Variants in FBH1 observed in about 807,000 individuals in gnomAD.
FBH1 encodes the protein F-box DNA helicase 1, also known as DNA 3'-5' helicase 1.
FBH1 carries 43 observed loss-of-function variants against 115.5 expected under a neutral mutation model. That is an observed-to-expected ratio of 0.37 (90% CI 0.29 to 0.48). The LOEUF (loss-of-function observed/expected upper bound fraction) is 0.48. Ranked by LOEUF, FBH1 falls within the 20% of genes least tolerant of loss-of-function variation. The probability of loss-of-function intolerance (pLI) is 0.99; values close to 1 mark genes in which losing one functional copy is unlikely to be tolerated. For synonymous variants in FBH1, 524 were observed against 507.8 expected, an observed-to-expected ratio of 1.03 and a Z score of -0.43; for missense variants, 1,001 against 1,337.3, an observed-to-expected ratio of 0.75 and a Z score of 3.92.
At chr10:5,930,916 G>T (rs1453817202) in intron 19 of FBH1, among the ~76,000 whole-genome samples, 1 of 148,508 alleles carries the variant, frequency 6.7e-6, no homozygotes, top group Non-Finnish European at 1.5e-5. Flanking sequence ...CACCTGGCTG[G>T]TTTTTTTTTT....
Position 5,923,898 on chromosome 10 carries a change from A to G in FBH1, c.2398+202A>G. 1.7e-6 allele frequency: 1 copy of G among 591,036 alleles called. No individual in the cohort carries two copies. The highest frequency in any genetic ancestry group is 2.8e-5 in the East Asian group (1 of 35,218). 36.6% of individuals were successfully genotyped at this position (591,036 alleles called of 1,614,324 possible). ...ACAGATTTTTCCAGATCCTCCTCAC[A>G]GGAGCCTCAGTCTCTTTCCAACACT... On this transcript the variant is annotated intron_variant, in intron 16 of 20. Coordinates refer to ENST00000362091, the MANE Select transcript of FBH1 (RefSeq NM_178150.3). The surrounding 1 kb of genome is among the most constrained non-coding windows in gnomAD (Gnocchi z 5.7).
At chr10:5,899,137 CCCTTCAACTGAG>C (rs1352683260) in intron 1 of FBH1, among the ~76,000 whole-genome samples, 1 of 152,184 alleles carries the variant, frequency 6.6e-6, no homozygotes, top group East Asian at 1.9e-4. Context: ...GGGCATCAGA[CCCTTCAACTGAG>C]CCTGATTTTC....
chr10:5,892,493 T>C (rs1009361924), intron 1 of FBH1, among the ~76,000 whole-genome samples: 3 of 152,250 alleles, frequency 2.0e-5, no homozygotes, highest in African/African-American at 7.2e-5. Context: ...ATCTTTGCCT[T>C]TCTGGCTGTG....
rs778398196 is a variant in FBH1 at position 5,905,993 on chromosome 10, T to G, written c.158-44T>G. The G allele has an allele frequency of 5.7e-6, 8 of 1,399,560 alleles. No individual in the cohort carries two copies. The African/African-American group carries it at 1.1e-4, about 20-fold the overall frequency. 86.7% of individuals were successfully genotyped at this position (1,399,560 alleles called of 1,614,324 possible). A position where few individuals can be genotyped will look rare whatever the true frequency, so the allele number is the denominator to read the frequency against. ...ATATGGATTAACAGCAGGTCAACAG[T>G]CATCGTTCATTTCTTGTCCATCCTG... is the stretch of plus-strand genomic sequence containing the variant. On this transcript the variant is annotated intron_variant, in intron 2 of 20. Transcript: ENST00000362091.
Position 5,911,032 on chromosome 10 carries a change from G to GCT in FBH1, c.1117_1118dup (p.Thr374ProfsTer3). On this transcript the variant is annotated frameshift_variant, in exon 6 of 21. Transcript: ENST00000362091. LOFTEE classifies it high-confidence loss of function. The surrounding 1 kb of genome is among the most constrained non-coding windows in gnomAD (Gnocchi z 5.4). ...CTGCTCTTCTGCCTCCGGAGACCCA[G>GCT]CTCCACGGTGACCATGCCAGATGTC... The GCT allele has an allele frequency of 6.2e-7, 1 of 1,613,180 alleles. No homozygotes were observed. The highest frequency in any genetic ancestry group is 8.5e-7 in the Non-Finnish European group (1 of 1,180,022).
rs1436417983 is a variant in FBH1, at chr10:5,910,264, A to G, written c.1021-674A>G. Among the ~76,000 whole-genome samples, 1 of 151,892 alleles carries G rather than the reference A, an allele frequency of 6.6e-6. No homozygotes were observed. Among genetic ancestry groups the G allele is most frequent in the Non-Finnish European group, 1.5e-5 (1 of 67,990 alleles). On this transcript the variant is annotated intron_variant, in intron 5 of 20. Transcript: ENST00000362091. This position sits in a 1 kb window ranked among gnomAD's most constrained non-coding sequence, Gnocchi z 4.8. ...GCCACTGCACTCCAGCCTGTGTGAC[A>G]GAGTCAGACTTTGTCTCAAAAAAAA...
At position 5,906,357 on chromosome 10, in the gene FBH1, A is replaced by G; in HGVS notation, c.478A>G (p.Arg160Gly). 6.2e-7 allele frequency: 1 copy of G among 1,614,196 alleles called. No individual in the cohort carries two copies. Among genetic ancestry groups the G allele is most frequent in the Non-Finnish European group, 8.5e-7 (1 of 1,180,000 alleles). Reference protein sequence around the residue: ...HHLSVPCTRPREARQEAEDST... With the variant: ...HHLSVPCTRPGEARQEAEDST... ...TTTGTCTGTGCCATGCACAAGGCCT[A>G]GGGAGGCCAGGCAAGAAGCAGAGGA... Residue 160 changes from arginine (R) to glycine (G), a missense_variant, in exon 3 of 21, where the codon AGG becomes GGG. By Grantham distance (125) the Arg-to-Gly change is moderately radical. Transcript: ENST00000362091. This position sits in a 1 kb window ranked among gnomAD's most constrained non-coding sequence, Gnocchi z 7.3.
rs1344348120 is a variant in FBH1 at position 5,895,737 on chromosome 10, A to G, written c.1+5391A>G. 2.0e-5 allele frequency among the ~76,000 whole-genome samples: 3 copies of G among 152,098 alleles called. No homozygotes were observed. The highest frequency in any genetic ancestry group is 2.9e-5 in the Non-Finnish European group (2 of 68,014). On this transcript the variant is annotated intron_variant, in intron 1 of 20. Coordinates refer to ENST00000362091, the MANE Select transcript of FBH1 (RefSeq NM_178150.3). The surrounding 1 kb of genome is among the most constrained non-coding windows in gnomAD (Gnocchi z 5.0). ...GGCTGCTGGAGGCTCTTCTATTTTG[A>G]ACACCCGGCTTCTAAGGATGTCCTG...
At position 5,936,975 on chromosome 10, in the gene FBH1, G is replaced by A; in HGVS notation, c.2962-135G>A. 3 of 990,220 alleles carry A rather than the reference G, an allele frequency of 3.0e-6. No homozygotes were observed. The highest frequency in any genetic ancestry group is 4.4e-6 in the Non-Finnish European group (3 of 685,392). The allele number at this position is 990,220 out of a possible 1,614,324, so 61.3% of individuals were successfully genotyped here. A position where few individuals can be genotyped will look rare whatever the true frequency, so the allele number is the denominator to read the frequency against. ...CTGTGGGAGGTGTTACTCTGAGGAT[G>A]TGCACCCCTCTGAAAACATCAGAAT... On this transcript the variant is annotated intron_variant, in intron 20 of 20. Transcript: ENST00000362091. This position sits in a 1 kb window ranked among gnomAD's most constrained non-coding sequence, Gnocchi z 5.6.
chr10:5,904,274 C>T (rs1843562317), intron 2 of FBH1, among the ~76,000 whole-genome samples: 1 of 152,084 alleles, frequency 6.6e-6, no homozygotes, highest in Admixed American at 6.6e-5. Context: ...CTCAAGAGAC[C>T]CACCTGCTTC....
Position 5,937,178 on chromosome 10 carries a change from G to C in FBH1, c.3030G>C (p.Leu1010=). Residue 1010 remains leucine (L), a synonymous_variant, in exon 21 of 21, where the codon CTG becomes CTC. Coordinates refer to ENST00000362091, the MANE Select transcript of FBH1 (RefSeq NM_178150.3). Reference sequence around the variant, plus strand: ...GTGCGGAGCAGCGCATCGGGCCCCTGGCGTTCCTGACAGCCTCCCCGGAGC... The same window carrying C: ...GTGCGGAGCAGCGCATCGGGCCCCTCGCGTTCCTGACAGCCTCCCCGGAGC... ...HSCAEQRIGP[L]AFLTASPEQV... is the part of the protein sequence containing the mutation. The C allele has an allele frequency of 6.2e-7, 1 of 1,614,072 alleles. No individual in the cohort carries two copies. Among genetic ancestry groups the C allele is most frequent in the Non-Finnish European group, 8.5e-7 (1 of 1,179,976 alleles).
intron 1 of FBH1, among the ~76,000 whole-genome samples, chr10:5,891,427 A>G (rs1430406440): frequency 1.3e-5 from 2 of 152,208 alleles, no homozygotes; most frequent in Non-Finnish European, 2.9e-5. Context: ...GGGCGTGCCA[A>G]GCAGTGTTCT....
At position 5,936,933 on chromosome 10, in the gene FBH1, C is replaced by A. The variant is rs893910236; in HGVS notation, c.2962-177C>A. On this transcript the variant is annotated intron_variant, in intron 20 of 20. Coordinates refer to ENST00000362091, the MANE Select transcript of FBH1 (RefSeq NM_178150.3). This position sits in a 1 kb window ranked among gnomAD's most constrained non-coding sequence, Gnocchi z 5.6. Reference sequence around the variant, plus strand: ...CTCAGGGAATTTGGGGGTGTTGAGGCCACCTAGTTGGTGGTGCTGTGGGAG... The same window carrying A: ...CTCAGGGAATTTGGGGGTGTTGAGGACACCTAGTTGGTGGTGCTGTGGGAG... The A allele has an allele frequency of 1.3e-4, 91 of 692,010 alleles. No homozygotes were observed. The highest frequency in any genetic ancestry group is 1.8e-4 in the Non-Finnish European group (77 of 420,922). The allele number at this position is 692,010 out of a possible 1,614,324, so 42.9% of individuals were successfully genotyped here.
chr10:5,926,145 G>A (rs61367714), intron 18 of FBH1, among the ~76,000 whole-genome samples: 12,585 of 151,902 alleles, frequency 0.083, 1,683 homozygotes, highest in African/African-American at 0.29. Flanking sequence ...TTTTGAGATG[G>A]AGTCTCACTC....
At chr10:5,899,860 G>C (rs572575883) in intron 1 of FBH1, among the ~76,000 whole-genome samples, 1 of 152,316 alleles carries the variant, frequency 6.6e-6, no homozygotes, top group South Asian at 2.1e-4. Flanking sequence ...ACAAGACTTT[G>C]TTTTCTTTCC....
At position 5,897,656 on chromosome 10, in the gene FBH1, A is replaced by G. The variant is rs903929524; in HGVS notation, c.2-5364A>G. ...TTATATAGGTTACTTATCTTAGTGC[A>G]CAGAGGCCAGATCACCAGTCTAAGC... is the stretch of plus-strand genomic sequence containing the variant. On this transcript the variant is annotated intron_variant, in intron 1 of 20. Transcript: ENST00000362091. The surrounding 1 kb of genome is among the most constrained non-coding windows in gnomAD (Gnocchi z 4.7). 1.3e-5 allele frequency among the ~76,000 whole-genome samples: 2 copies of G among 152,176 alleles called. No homozygotes were observed. The highest frequency in any genetic ancestry group is 2.9e-5 in the Non-Finnish European group (2 of 68,024).
Position 5,906,747 on chromosome 10 carries a change from C to A in FBH1, c.753+115C>A. ...ATGGTTTCCATTTGCCTTCAGAAGA[C>A]ATTCAGACTCCTTAGAGGCATTTAA... On this transcript the variant is annotated intron_variant, in intron 3 of 20. Transcript: ENST00000362091. This position sits in a 1 kb window ranked among gnomAD's most constrained non-coding sequence, Gnocchi z 7.3. 1 of 846,566 alleles carries A rather than the reference C, an allele frequency of 1.2e-6. No homozygotes were observed. Among genetic ancestry groups the A allele is most frequent in the Non-Finnish European group, 1.8e-6 (1 of 550,654 alleles). 52.4% of individuals were successfully genotyped at this position (846,566 alleles called of 1,614,324 possible).
At chr10:5,934,309 G>A (rs1833171459) in intron 19 of FBH1, 1 of 151,596 alleles carries the variant, frequency 6.6e-6, no homozygotes, top group African/African-American at 2.4e-5. Context: ...GAAAGTGAAG[G>A]AAATTATTAC....
chr10:5,927,007 G>A (rs1023186843), intron 18 of FBH1, among the ~76,000 whole-genome samples: 6 of 152,236 alleles, frequency 3.9e-5, no homozygotes, highest in African/African-American at 1.4e-4. Flanking sequence ...TAAGGAAATG[G>A]AAAGAGACGA....
Sources: allele counts gnomAD v4.1 joint callset (sites outside exome capture counted in the v4.1 genomes callset), GRCh38; gene constraint gnomAD v4.1.1; non-coding constraint Gnocchi (gnomAD v3.1); transcripts MANE v1.5; gene names NCBI Gene and HGNC (gene_info 2026-07-23, HGNC 2026-07-21).